Variants in UNC13C observed in about 807,000 individuals in gnomAD.
UNC13C encodes the protein protein unc-13 homolog C.
In UNC13C, 174 loss-of-function variants were observed where a neutral mutation model predicts 245.4. The observed-to-expected ratio is 0.71, with a 90% CI of 0.63 to 0.80. The LOEUF is 0.80. Ranked by LOEUF, UNC13C falls within the 30% of genes least tolerant of loss-of-function variation. UNC13C has a pLI of 0.00. For synonymous variants in UNC13C, 992 were observed against 895.1 expected (o/e 1.11, Z -1.93); for missense variants, 2,829 against 2,602.9 (o/e 1.09, Z -1.89).
intron 4 of UNC13C, among the ~76,000 whole-genome samples, chr15:54,229,404 T>C (rs1191781046): frequency 6.6e-6 from 1 of 152,178 alleles, no homozygotes; most frequent in African/African-American, 2.4e-5. Context: ...GAGAAGATGA[T>C]TGCTAGAGGC....
intron 30 of UNC13C, among the ~76,000 whole-genome samples, chr15:54,605,017 C>T (rs2141278791): frequency 6.6e-6 from 1 of 152,290 alleles, no homozygotes; most frequent in Non-Finnish European, 1.5e-5. Context: ...ATTTCCTCAT[C>T]TCCAAAGGAT....
At chr15:53,986,825 T>C (rs1595680844) in intron 1 of UNC13C, among the ~76,000 whole-genome samples, 1 of 152,184 alleles carries the variant, frequency 6.6e-6, no homozygotes, top group African/African-American at 2.4e-5. Flanking sequence ...AAGCCTGTTA[T>C]ATGTTAATGC....
At chr15:54,624,706 G>A (rs544060991) in intron 32 of UNC13C, among the ~76,000 whole-genome samples, 27 of 152,258 alleles carry the variant, frequency 1.8e-4, no homozygotes, top group East Asian at 7.7e-4. Flanking sequence ...GTGACTAACC[G>A]GATCCTAGTA....
intron 2 of UNC13C, among the ~76,000 whole-genome samples, chr15:54,078,555 T>C (rs943689957): frequency 6.6e-6 from 1 of 152,258 alleles, no homozygotes; most frequent in Admixed American, 6.5e-5. Context: ...TTGTAGTTTT[T>C]ATTTGCATTT....
chr15:53,868,713 A>C, the UNC13C span, among the ~76,000 whole-genome samples: 2 of 152,190 alleles, frequency 1.3e-5, no homozygotes, highest in Non-Finnish European at 2.9e-5. Flanking sequence ...GGAGGGAAAA[A>C]GTAAATTTAA....
intron 18 of UNC13C, among the ~76,000 whole-genome samples, chr15:54,411,922 G>A (rs1371818107): frequency 6.6e-6 from 1 of 152,082 alleles, no homozygotes; most frequent in South Asian, 2.1e-4. Flanking sequence ...GTATCAGTCT[G>A]TAAATACAAT....
At chr15:54,121,089 G>C (rs1245239701) in intron 2 of UNC13C, among the ~76,000 whole-genome samples, 1 of 152,160 alleles carries the variant, frequency 6.6e-6, no homozygotes, top group Non-Finnish European at 1.5e-5. Context: ...GTCCAATTTT[G>C]AAAGAATTCC....
chr15:54,593,344 ATC>A (rs35865672), intron 30 of UNC13C, among the ~76,000 whole-genome samples: 106,650 of 151,842 alleles, frequency 0.7, 37,432 homozygotes, highest in East Asian at 0.76. Context: ...TTGTATTTGC[ATC>A]TGTCCAGGTT....
At chr15:53,863,617 G>T in the UNC13C span, among the ~76,000 whole-genome samples, 8 of 152,144 alleles carry the variant, frequency 5.3e-5, no homozygotes, top group East Asian at 1.3e-3. Context: ...CAATAGACTA[G>T]TATGTAGCCA....
chr15:54,120,369 G>A (rs551121917), intron 2 of UNC13C, among the ~76,000 whole-genome samples: 2 of 152,228 alleles, frequency 1.3e-5, no homozygotes, highest in South Asian at 4.1e-4. Context: ...CTGGATGATA[G>A]CACATTTATT....
Position 54,237,448 on chromosome 15 carries a change from T to C in UNC13C, c.3157-171T>C. 5.7e-6 allele frequency: 4 copies of C among 702,364 alleles called. No homozygotes were observed. The South Asian group carries it at 6.0e-5, about 11-fold the overall frequency. The allele number at this position is 702,364 out of a possible 1,614,324, so 43.5% of individuals were successfully genotyped here. A position where few individuals can be genotyped will look rare whatever the true frequency, so the allele number is the denominator to read the frequency against. ...TTGTGGGATCGTTCCAGTTTTAATA[T>C]TGTATAAGTCCATATTCTGGGTGAA... On this transcript the variant is annotated intron_variant, in intron 6 of 32. Transcript: ENST00000260323.
At chr15:54,223,281 A>G (rs2140789985) in intron 4 of UNC13C, among the ~76,000 whole-genome samples, 1 of 152,164 alleles carries the variant, frequency 6.6e-6, no homozygotes, top group South Asian at 2.1e-4. Flanking sequence ...ACGGTGAGGG[A>G]TAGGAGTCTA....
chr15:53,985,131 T>G (rs1164488614), intron 1 of UNC13C, among the ~76,000 whole-genome samples: 5 of 151,924 alleles, frequency 3.3e-5, no homozygotes, highest in Admixed American at 1.3e-4. Flanking sequence ...TGGTGTGTGT[T>G]GTTCCCCTCT....
At chr15:54,537,922 C>G (rs1272403768) in intron 26 of UNC13C, among the ~76,000 whole-genome samples, 1 of 150,778 alleles carries the variant, frequency 6.6e-6, no homozygotes, top group Non-Finnish European at 1.5e-5. Flanking sequence ...GGACATAGGC[C>G]CTGGCAGTTT....
intron 4 of UNC13C, among the ~76,000 whole-genome samples, chr15:54,172,733 TA>T (rs2033459185): frequency 9.6e-6 from 1 of 104,078 alleles, no homozygotes; most frequent in Non-Finnish European, 1.8e-5. Context: ...TATATATATA[TA>T]TATATATATA....
intron 2 of UNC13C, among the ~76,000 whole-genome samples, chr15:54,129,354 T>C (rs969043078): frequency 6.6e-6 from 1 of 152,228 alleles, no homozygotes; most frequent in African/African-American, 2.4e-5. Flanking sequence ...ATACTTTCTT[T>C]TCTGATTTCA....
At chr15:54,044,960 A>G (rs1291539498) in intron 2 of UNC13C, among the ~76,000 whole-genome samples, 1 of 152,030 alleles carries the variant, frequency 6.6e-6, no homozygotes, top group Non-Finnish European at 1.5e-5. Context: ...ATATTTTTAT[A>G]TATTCTAGTT....
intron 18 of UNC13C, among the ~76,000 whole-genome samples, chr15:54,408,294 C>G (rs761791694): frequency 1.6e-4 from 24 of 146,398 alleles, no homozygotes; most frequent in Non-Finnish European, 3.0e-4. Context: ...TTCTAGTACA[C>G]TTTCCTAATC....
chr15:54,364,350 T>C (rs2039309661), intron 17 of UNC13C, among the ~76,000 whole-genome samples: 1 of 152,010 alleles, frequency 6.6e-6, no homozygotes, highest in South Asian at 2.1e-4. Flanking sequence ...TTTGAGATAG[T>C]CATATTTTAT....
Sources: gnomAD v4.1 joint callset for allele counts (sites outside exome capture counted in the v4.1 genomes callset) on GRCh38, gnomAD v4.1.1 for gene constraint, MANE v1.5 for transcripts, NCBI Gene and HGNC (gene_info 2026-07-23, HGNC 2026-07-21) for gene names.